The following HMCES variants were observed in gnomAD, a reference collection of about 807,000 sequenced individuals.
HMCES encodes the protein 5-hydroxymethylcytosine binding, ES cell specific.
Under a neutral mutation model 35.1 loss-of-function variants are expected in HMCES, and 27 were observed. The ratio of observed to expected loss-of-function variants is 0.77; its 90% CI spans 0.57 to 1.06. HMCES has a LOEUF of 1.06. HMCES is among the 50% of genes least tolerant of loss of function. HMCES has a pLI of 0.00. For synonymous variants in HMCES, 130 were observed against 154.7 expected (o/e 0.84, Z 1.18); for missense variants, 391 against 430.4 (o/e 0.91, Z 0.81).
chr3:129,299,499 A>T (rs2071134117), intron 5 of HMCES, among the ~76,000 whole-genome samples: 1 of 152,188 alleles, frequency 6.6e-6, no homozygotes, highest in African/African-American at 2.4e-5. Context: ...GGCTTCTCCC[A>T]ATAGCAGAAA....
intron 4 of HMCES, among the ~76,000 whole-genome samples, chr3:129,294,633 T>C (rs1398461626): frequency 6.6e-6 from 1 of 152,232 alleles, no homozygotes; most frequent in Non-Finnish European, 1.5e-5. Flanking sequence ...GCTATTTTAC[T>C]GTAGATGGTC....
intron 5 of HMCES, among the ~76,000 whole-genome samples, chr3:129,299,534 G>A (rs371341888): frequency 6.6e-6 from 1 of 151,868 alleles, no homozygotes; most frequent in African/African-American, 2.4e-5. Context: ...CGCCATGTTC[G>A]AAACCAGTAA....
chr3:129,284,073 A>C (rs1419641488), intron 2 of HMCES, among the ~76,000 whole-genome samples: 1 of 152,156 alleles, frequency 6.6e-6, no homozygotes, highest in East Asian at 1.9e-4. Context: ...CTAAATTCAT[A>C]CTCACTTTGC....
intron 3 of HMCES, among the ~76,000 whole-genome samples, 194 bp from the exon 4 acceptor site, chr3:129,290,485 T>C (rs2070997979): frequency 6.6e-6 from 1 of 152,044 alleles, no homozygotes; most frequent in African/African-American, 2.4e-5. Flanking sequence ...GCTTTCACCT[T>C]GTTAGCCAGG....
Position 129,304,999 on chromosome 3 carries a change from T to C in HMCES, c.*174T>C, listed in dbSNP as rs543925193. 652 of 608,992 alleles carry C rather than the reference T, an allele frequency of 1.1e-3. 5 individuals are homozygous for C. In the African/African-American group the frequency reaches 0.011, roughly 10 times the overall value. 37.7% of individuals were successfully genotyped at this position (608,992 alleles called of 1,614,324 possible). A position where few individuals can be genotyped will look rare whatever the true frequency, so the allele number is the denominator to read the frequency against. On this transcript the variant is annotated 3_prime_UTR_variant, in exon 7 of 7. Coordinates refer to ENST00000383463, the MANE Select transcript of HMCES (RefSeq NM_020187.3). ...GAGTAGGAGCCCCTAGTGGGGCTGG[T>C]GGACAGCTTTGGAAGAGGTGTCCTG...
At chr3:129,298,615 T>G (rs1192450544) in intron 5 of HMCES, 80 bp downstream of exon 5, 5 of 1,228,498 alleles carry the variant, frequency 4.1e-6, no homozygotes, top group Non-Finnish European at 5.7e-6. Flanking sequence ...CTTTAGAGAG[T>G]AGGAAACCAA....
At chr3:129,296,902 C>A (rs2071100150) in intron 4 of HMCES, among the ~76,000 whole-genome samples, 1 of 152,114 alleles carries the variant, frequency 6.6e-6, no homozygotes, top group Admixed American at 6.5e-5. Flanking sequence ...CCAGGCCCAG[C>A]TAATTTTTTG....
At chr3:129,301,922 C>T in intron 5 of HMCES, 28 bp from the exon 6 acceptor site, 1 of 1,576,678 alleles carries the variant, frequency 6.3e-7, no homozygotes, top group African/African-American at 1.4e-5. Context: ...CTACCTCTCC[C>T]AACCATTGTC....
At chr3:129,298,320 G>C in intron 4 of HMCES, 34 bp from the exon 5 acceptor site, 1 of 1,599,978 alleles carries the variant, frequency 6.3e-7, no homozygotes, top group Non-Finnish European at 8.6e-7. Context: ...AGTCTGCTGA[G>C]TGCATCTAAT....
intron 5 of HMCES, 141 bp downstream of exon 5, chr3:129,298,676 A>G: frequency 2.9e-6 from 2 of 700,186 alleles, no homozygotes; most frequent in South Asian, 2.0e-5. Context: ...CATGACATAC[A>G]TTCCTAAAAA....
rs371776646 is a variant in HMCES, at chr3:129,292,783, C to T, written c.453+1979C>T. 7.2e-5 allele frequency among the ~76,000 whole-genome samples: 11 copies of T among 152,144 alleles called. No homozygotes were observed. In the East Asian group the frequency reaches 1.2e-3, roughly 16 times the overall value. ...ACAGGCGTGAGCCACTGCGCCTGGCCGAGAAAAGTTTTTTATTTCAAGTCG... is the reference window on the plus strand; with the variant it reads ...ACAGGCGTGAGCCACTGCGCCTGGCTGAGAAAAGTTTTTTATTTCAAGTCG... On this transcript the variant is annotated intron_variant, in intron 4 of 6. Transcript: ENST00000383463.
chr3:129,285,644 G>A (rs1181614326), intron 2 of HMCES, among the ~76,000 whole-genome samples: 4 of 151,522 alleles, frequency 2.6e-5, no homozygotes, highest in East Asian at 1.9e-4. Flanking sequence ...TAGTAGAGAC[G>A]GGGTTTCACC....
intron 2 of HMCES, among the ~76,000 whole-genome samples, chr3:129,280,390 A>T (rs1387758280): frequency 6.6e-6 from 1 of 152,150 alleles, no homozygotes; most frequent in Non-Finnish European, 1.5e-5. Flanking sequence ...TACAAAAAAT[A>T]AAAAAATGAG....
At chr3:129,298,729 T>G (rs2071124387) in intron 5 of HMCES, among the ~76,000 whole-genome samples, 194 bp downstream of exon 5, 1 of 151,962 alleles carries the variant, frequency 6.6e-6, no homozygotes, top group African/African-American at 2.4e-5. Context: ...CCAAATAACT[T>G]AGGGGAAAAG....
rs1478305628 is a variant in HMCES, at chr3:129,279,240, G to A, written c.-24+335G>A. 6.4e-6 allele frequency: 1 copy of A among 155,238 alleles called. No homozygotes were observed. The highest frequency in any genetic ancestry group is 2.4e-5 in the African/African-American group (1 of 41,470). The allele number at this position is 155,238 out of a possible 1,614,324, so 9.6% of individuals were successfully genotyped here. ...GGGCCCGGGGACGCTGCGGACTAGCGGGCGGGAGGCGGGGATTCTGCACCC... is the reference window on the plus strand; with the variant it reads ...GGGCCCGGGGACGCTGCGGACTAGCAGGCGGGAGGCGGGGATTCTGCACCC... On this transcript the variant is annotated intron_variant, in intron 1 of 6. Coordinates refer to ENST00000383463, the MANE Select transcript of HMCES (RefSeq NM_020187.3). The surrounding 1 kb of genome is among the most constrained non-coding windows in gnomAD (Gnocchi z 4.2).
intron 2 of HMCES, among the ~76,000 whole-genome samples, chr3:129,284,003 CATT>C (rs1940566390): frequency 6.6e-6 from 1 of 152,194 alleles, no homozygotes; most frequent in South Asian, 2.1e-4. Flanking sequence ...AAACAGTCCT[CATT>C]ATTCTTAGAT....
At chr3:129,302,426 A>G (rs528245095) in intron 6 of HMCES, among the ~76,000 whole-genome samples, 1 of 152,302 alleles carries the variant, frequency 6.6e-6, no homozygotes, top group Non-Finnish European at 1.5e-5. Context: ...ATAATTAAGA[A>G]GCTTCAGGCT....
At chr3:129,287,331 C>G (rs1276426966) in intron 2 of HMCES, among the ~76,000 whole-genome samples, 1 of 151,922 alleles carries the variant, frequency 6.6e-6, no homozygotes, top group South Asian at 2.1e-4. Flanking sequence ...TCAAGTGGTC[C>G]TCCTACCTCT....
intron 6 of HMCES, among the ~76,000 whole-genome samples, 180 bp downstream of exon 6, chr3:129,302,322 A>G (rs151249302): frequency 2.6e-5 from 4 of 152,318 alleles, no homozygotes; most frequent in Non-Finnish European, 5.9e-5. Context: ...GCTGTGACTC[A>G]GAGTCCCCAG....
Sources: allele counts gnomAD v4.1 joint callset (sites outside exome capture counted in the v4.1 genomes callset), GRCh38; gene constraint gnomAD v4.1.1; non-coding constraint Gnocchi (gnomAD v3.1); transcripts MANE v1.5; gene names NCBI Gene and HGNC (gene_info 2026-07-23, HGNC 2026-07-21).